Variants in SLC7A8 observed in about 807,000 individuals in gnomAD.
The protein encoded by SLC7A8 is large neutral amino acids transporter small subunit 2.
In SLC7A8, 30 loss-of-function variants were observed where a neutral mutation model predicts 51.2. That is an observed-to-expected ratio of 0.59 (90% CI 0.44 to 0.80). The LOEUF is 0.80. SLC7A8 is among the 30% of genes least tolerant of loss of function. The pLI is 0.00. For synonymous variants in SLC7A8, 257 were observed against 275.8 expected (o/e 0.93, Z 0.67); for missense variants, 612 against 674.4 (o/e 0.91, Z 1.03).
intron 3 of SLC7A8, among the ~76,000 whole-genome samples, chr14:23,160,519 C>T (rs1316959868): frequency 1.4e-5 from 2 of 148,080 alleles, no homozygotes; most frequent in East Asian, 2.0e-4. Context: ...TGCAGTGAGC[C>T]GAGATCGCGC....
chr14:23,128,511 A>AT lies in SLC7A8; in HGVS notation c.1264-316_1264-315insA. On this transcript the variant is annotated intron_variant, in intron 9 of 10. Coordinates refer to ENST00000316902, the MANE Select transcript of SLC7A8 (RefSeq NM_012244.4). The surrounding 1 kb of genome is among the most constrained non-coding windows in gnomAD (Gnocchi z 4.3). ...ATCATGCATGCCATGTGCCCGTGGC[A>AT]GCCAGAGAAGCCCACAGGGATGGAG... 1.6e-6 allele frequency: 1 copy of AT among 642,550 alleles called. No individual in the cohort carries two copies. The highest frequency in any genetic ancestry group is 2.5e-6 in the Non-Finnish European group (1 of 397,904). The allele number at this position is 642,550 out of a possible 1,614,324, so 39.8% of individuals were successfully genotyped here.
intron 1 of SLC7A8, among the ~76,000 whole-genome samples, chr14:23,181,496 G>A (rs1416059214): frequency 1.3e-5 from 2 of 152,172 alleles, no homozygotes; most frequent in East Asian, 3.9e-4. Context: ...AGAGAGCTTG[G>A]TCACTGAAGT....
intron 1 of SLC7A8, among the ~76,000 whole-genome samples, chr14:23,169,491 C>T (rs1306369218): frequency 6.6e-6 from 1 of 152,246 alleles, no homozygotes; most frequent in Non-Finnish European, 1.5e-5. Context: ...ACTGCAACCT[C>T]TGCCTCCCAG....
Position 23,165,182 on chromosome 14 carries a change from C to T in SLC7A8, c.508+103G>A, listed in dbSNP as rs987469375. 3.1e-5 allele frequency: 37 copies of T among 1,202,518 alleles called. No individual in the cohort carries two copies. Among genetic ancestry groups the T allele is most frequent in the African/African-American group, 9.6e-5 (6 of 62,510 alleles). 74.5% of individuals were successfully genotyped at this position (1,202,518 alleles called of 1,614,324 possible). ...GCAGTGAGCTATGATCATGCGGCTG[C>T]GCTCCAGCCTGAGTGACAGAGTGAA... is the stretch of plus-strand genomic sequence containing the variant. On this transcript the variant is annotated intron_variant, in intron 3 of 10. Coordinates refer to ENST00000316902, the MANE Select transcript of SLC7A8 (RefSeq NM_012244.4). This position sits in a 1 kb window ranked among gnomAD's most constrained non-coding sequence, Gnocchi z 4.2.
intron 3 of SLC7A8, chr14:23,155,572 G>A: frequency 9.1e-7 from 1 of 1,101,784 alleles, no homozygotes; most frequent in South Asian, 4.1e-5. Context: ...CCTGGATCGG[G>A]GAGAAGCGAA....
intron 1 of SLC7A8, among the ~76,000 whole-genome samples, chr14:23,181,950 T>C (rs2140344672): frequency 6.6e-6 from 1 of 152,352 alleles, no homozygotes; most frequent in Admixed American, 6.5e-5. Flanking sequence ...ACTGGCACTC[T>C]TGGGGCCACC....
At chr14:23,140,672 C>A in intron 4 of SLC7A8, 48 bp from the exon 5 acceptor site, 1 of 1,578,712 alleles carries the variant, frequency 6.3e-7, no homozygotes, top group Non-Finnish European at 8.6e-7. Context: ...AAGTCAGGGG[C>A]CCAGCAGCCC....
intron 7 of SLC7A8, 148 bp from the exon 8 acceptor site, chr14:23,131,705 G>A: frequency 1.7e-6 from 1 of 575,214 alleles, no homozygotes; most frequent in Non-Finnish European, 3.0e-6. Context: ...CACCCCACCA[G>A]TCACAGAACC....
chr14:23,144,933 CT>C (rs199939524), intron 3 of SLC7A8, among the ~76,000 whole-genome samples: 2,096 of 139,580 alleles, frequency 0.015, 14 homozygotes, highest in Middle Eastern at 0.023. Context: ...TTTTCTTTTT[CT>C]TTTTTTTTTT....
intron 7 of SLC7A8, 42 bp from the exon 8 acceptor site, chr14:23,131,599 A>T: frequency 6.7e-7 from 1 of 1,488,050 alleles, no homozygotes. Context: ...TAACCCAGGG[A>T]CCACCAAGCC....
chr14:23,131,499 C>T lies in SLC7A8; in HGVS notation c.1075G>A (p.Val359Met), dbSNP rs760437691. Residue 359 changes from valine (V) to methionine (M), a missense_variant, in exon 8 of 11, where the codon GTG becomes ATG. Val to Met is a conservative substitution (Grantham distance 21). Transcript: ENST00000316902. ...HLPSVLAMIH[V>M]KRCTPIPALL... ...GCTGGGATTGGGGTGCAGCGCTTCA[C>T]GTGGATCATGGCCAACACACTGGGA... The T allele has an allele frequency of 4.3e-5, 70 of 1,609,438 alleles. No individual in the cohort carries two copies. The Admixed American group carries it at 8.6e-4, about 20-fold the overall frequency.
At chr14:23,161,925 T>TAAA (rs34382575) in intron 3 of SLC7A8, among the ~76,000 whole-genome samples, 17 of 107,054 alleles carry the variant, frequency 1.6e-4, no homozygotes, top group African/African-American at 4.0e-4. Context: ...AGACTCCATC[T>TAAA]AAAAAAAAAA....
At position 23,131,448 on chromosome 14, in the gene SLC7A8, G is replaced by C. The variant is rs762812082; in HGVS notation, c.1113+13C>G. On this transcript the variant is annotated intron_variant, in intron 8 of 10. Transcript: ENST00000316902. ...GGAGGTGTGTGGAGAGTTACAGCAG[G>C]AAGGGCCCTTACTGTGAAGAGCAGG... 1.3e-5 allele frequency: 21 copies of C among 1,564,474 alleles called. No homozygotes were observed. The highest frequency in any genetic ancestry group is 1.7e-5 in the Non-Finnish European group (20 of 1,154,876).
chr14:23,131,997 CTATTTTT>C, intron 7 of SLC7A8, among the ~76,000 whole-genome samples: 1 of 139,204 alleles, frequency 7.2e-6, no homozygotes, highest in South Asian at 2.2e-4. Flanking sequence ...TAAAAACACT[CTATTTTT>C]TTTTTTTTTT....
chr14:23,142,851 G>A (rs529957190), intron 4 of SLC7A8, among the ~76,000 whole-genome samples: 7 of 152,226 alleles, frequency 4.6e-5, no homozygotes, highest in Non-Finnish European at 1.0e-4. Context: ...GGTAAGCATG[G>A]GAGAGGTGAC....
chr14:23,161,630 G>C (rs2048923207), intron 3 of SLC7A8, among the ~76,000 whole-genome samples: 1 of 149,566 alleles, frequency 6.7e-6, no homozygotes, highest in Non-Finnish European at 1.5e-5. Flanking sequence ...GGAATAAAAA[G>C]TACCAGCATT....
chr14:23,165,224 A>T lies in SLC7A8; in HGVS notation c.508+61T>A. On this transcript the variant is annotated intron_variant, in intron 3 of 10. Transcript: ENST00000316902. The surrounding 1 kb of genome is among the most constrained non-coding windows in gnomAD (Gnocchi z 4.2). ...CAGAGTGAAGACTCTGTTTCTAAAA[A>T]TAATAATAATAAATATAATAAAAGA... The T allele has an allele frequency of 7.0e-7, 1 of 1,419,480 alleles. No homozygotes were observed. The highest frequency in any genetic ancestry group is 9.3e-7 in the Non-Finnish European group (1 of 1,078,492). The allele number at this position is 1,419,480 out of a possible 1,614,324, so 87.9% of individuals were successfully genotyped here. A position where few individuals can be genotyped will look rare whatever the true frequency, so the allele number is the denominator to read the frequency against.
At chr14:23,133,610 T>G (rs544799428) in intron 7 of SLC7A8, among the ~76,000 whole-genome samples, 1 of 152,094 alleles carries the variant, frequency 6.6e-6, no homozygotes, top group Admixed American at 6.5e-5. Context: ...GTGAATCACC[T>G]GAGGTCAGGA....
intron 3 of SLC7A8, 39 bp from the exon 4 acceptor site, chr14:23,143,243 T>C: frequency 6.2e-7 from 1 of 1,609,556 alleles, no homozygotes; most frequent in Non-Finnish European, 8.5e-7. Context: ...TCAGGGGCTG[T>C]ATCTGGCTGC....
Sources: gnomAD v4.1 joint callset for allele counts (sites outside exome capture counted in the v4.1 genomes callset) on GRCh38, gnomAD v4.1.1 for gene constraint, Gnocchi (gnomAD v3.1) non-coding constraint, MANE v1.5 for transcripts, NCBI Gene and HGNC (gene_info 2026-07-23, HGNC 2026-07-21) for gene names.